Variants in SYNE1 observed in about 807,000 individuals in gnomAD.
The protein encoded by SYNE1 is nesprin-1.
A neutral mutation model predicts 1,111.0 loss-of-function variants in SYNE1; 616 were observed. That is an observed-to-expected ratio of 0.55 (90% CI 0.52 to 0.59). The LOEUF (loss-of-function observed/expected upper bound fraction) is 0.59. Among genes scored for constraint, SYNE1 ranks in the 20% least tolerant of loss-of-function variants. The pLI, the probability that SYNE1 is intolerant of heterozygous loss-of-function variation, is 0.00. For synonymous variants in SYNE1, 3,855 were observed against 3,825.8 expected (o/e 1.01, Z -0.28); for missense variants, 10,006 against 10,417.0 (o/e 0.96, Z 1.72).
chr6:152,477,710 C>T (rs893440096), intron 14 of SYNE1, among the ~76,000 whole-genome samples: 7 of 152,174 alleles, frequency 4.6e-5, no homozygotes, highest in Non-Finnish European at 7.3e-5. Context: ...AGATGTATCA[C>T]AAATGCCTAA....
rs753654674 is a variant in SYNE1 at position 152,234,780 on chromosome 6, T to G, written c.20417A>C (p.Asp6806Ala). The G allele has an allele frequency of 3.7e-5, 59 of 1,614,066 alleles. No individual in the cohort carries two copies. Among genetic ancestry groups the G allele is most frequent in the Non-Finnish European group, 5.0e-5 (59 of 1,180,030 alleles). Residue 6806 changes from aspartate to alanine, a missense_variant, in exon 111 of 146, where the codon GAT becomes GCT. Physicochemically the swap from Asp to Ala is moderately radical, Grantham distance 126. Transcript: ENST00000367255. ...HWTRYQSESA[D>A]LIHWLQSAKD... Reference sequence around the variant, plus strand: ...TGCAGATTGTAACCAGTGAATTAGATCTGCAGATTCACTTTGATATCTGTT... The same window carrying G: ...TGCAGATTGTAACCAGTGAATTAGAGCTGCAGATTCACTTTGATATCTGTT...
intron 3 of SYNE1, among the ~76,000 whole-genome samples, chr6:152,605,029 AGAGAGAGGGAGGGAGGGAGG>A (rs1426677307): frequency 7.5e-5 from 4 of 52,982 alleles, no homozygotes; most frequent in African/African-American, 4.2e-4. Flanking sequence ...AGAGAGAGAG[AGAGAGAGGGAGGGAGGGAGG>A]GAGGGAGGGA....
chr6:152,364,474 T>G (rs572984490), intron 63 of SYNE1, among the ~76,000 whole-genome samples: 3 of 152,154 alleles, frequency 2.0e-5, no homozygotes, highest in East Asian at 1.9e-4. Context: ...TGTATTTTTA[T>G]GTTAGCAACA....
At chr6:152,162,020 C>A (rs572296866) in intron 131 of SYNE1, among the ~76,000 whole-genome samples, 3 of 152,332 alleles carry the variant, frequency 2.0e-5, no homozygotes, top group African/African-American at 7.2e-5. Flanking sequence ...TCCCCAAACC[C>A]AGAGTCCCTC....
At chr6:152,258,297 T>G (rs2091318862) in intron 101 of SYNE1, among the ~76,000 whole-genome samples, 1 of 152,190 alleles carries the variant, frequency 6.6e-6, no homozygotes, top group Non-Finnish European at 1.5e-5. Flanking sequence ...TAAAAAGATA[T>G]GCTGAAAGGA....
In SYNE1 at chr6:152,483,211, A is replaced by G. The variant is rs1342395797; in HGVS notation, c.1224T>C (p.Pro408=). The G allele has an allele frequency of 1.9e-6, 3 of 1,614,228 alleles. No individual in the cohort carries two copies. Among genetic ancestry groups the G allele is most frequent in the Non-Finnish European group, 2.5e-6 (3 of 1,180,026 alleles). Residue 408 remains proline (P), a synonymous_variant, in exon 14 of 146, where the codon CCT becomes CCC. Transcript: ENST00000367255. ...DWHIQLDKSL[P]APLGTIGAWL... Reference sequence around the variant, plus strand: ...AGGCACCTATGGTGCCCAGAGGTGCAGGAAGAGATTTATCAAGCTGTATAT... The same window carrying G: ...AGGCACCTATGGTGCCCAGAGGTGCGGGAAGAGATTTATCAAGCTGTATAT...
chr6:152,428,667 TA>T (rs1333288733), intron 36 of SYNE1, among the ~76,000 whole-genome samples: 2 of 152,152 alleles, frequency 1.3e-5, no homozygotes, highest in African/African-American at 4.8e-5. Flanking sequence ...ACAAATATTT[TA>T]GGTGATGAAG....
intron 96 of SYNE1, among the ~76,000 whole-genome samples, chr6:152,282,815 T>C (rs2094115003): frequency 6.6e-6 from 1 of 152,160 alleles, no homozygotes; most frequent in Admixed American, 6.6e-5. Flanking sequence ...GTAATTGTGA[T>C]TTTTGCCGTT....
At chr6:152,452,749 A>T (rs1304248573) in intron 25 of SYNE1, among the ~76,000 whole-genome samples, 1 of 152,186 alleles carries the variant, frequency 6.6e-6, no homozygotes, top group East Asian at 1.9e-4. Flanking sequence ...CCAGAATCTG[A>T]CATGCAGTCT....
At chr6:152,198,477 C>A (rs1185527280) in intron 127 of SYNE1, among the ~76,000 whole-genome samples, 1 of 152,200 alleles carries the variant, frequency 6.6e-6, no homozygotes, top group Non-Finnish European at 1.5e-5. Flanking sequence ...CAGAACTTTT[C>A]CTTTGCATTC....
chr6:152,346,287 C>T (rs1563232230), intron 73 of SYNE1, among the ~76,000 whole-genome samples: 1 of 152,044 alleles, frequency 6.6e-6, no homozygotes, highest in Non-Finnish European at 1.5e-5. Flanking sequence ...CTGCCTCAGC[C>T]TCCGGAGTAG....
chr6:152,564,820 C>A (rs561086436), intron 3 of SYNE1, among the ~76,000 whole-genome samples: 3 of 152,018 alleles, frequency 2.0e-5, no homozygotes, highest in African/African-American at 4.8e-5. Flanking sequence ...TCATTTACTG[C>A]GAGAATTTCA....
At chr6:152,167,891 C>T in intron 130 of SYNE1, 1 of 742,124 alleles carries the variant, frequency 1.3e-6, no homozygotes, top group Admixed American at 1.7e-5. Context: ...TAATAAAGTC[C>T]ATTAACCTTT....
Position 152,309,980 on chromosome 6 carries a change from A to C in SYNE1, c.17057T>G (p.Val5686Gly). 1 of 1,614,128 alleles carries C rather than the reference A, an allele frequency of 6.2e-7. No homozygotes were observed. The highest frequency in any genetic ancestry group is 8.5e-7 in the Non-Finnish European group (1 of 1,180,042). ...ACTCTGGCAGAGCTGCACTGCTTGC[A>C]CCTTCGGCTTCAGTGACTCCATCTC... The part of the protein sequence containing the change: ...LSEMESLKPK[V>G]QAVQLCQSAL... Residue 5686 changes from valine to glycine, a missense_variant, in exon 90 of 146, where the codon GTG becomes GGG. Around this residue, in one of 7 missense-constraint regions of SYNE1, gnomAD observed 4,955 missense variants for 5,017.2 expected, o/e 0.99. Transcript: ENST00000367255.
At chr6:152,321,524 T>C in intron 83 of SYNE1, 134 bp from the exon 84 acceptor site, 1 of 1,297,906 alleles carries the variant, frequency 7.7e-7, no homozygotes, top group Admixed American at 2.5e-5. Context: ...ATTGTTCTTT[T>C]GTCTCTGAAT....
chr6:152,483,841 G>T (rs1437954835), intron 13 of SYNE1, among the ~76,000 whole-genome samples: 1 of 151,772 alleles, frequency 6.6e-6, no homozygotes, highest in East Asian at 1.9e-4. Flanking sequence ...AGCCAGGTGG[G>T]ATGAGTTGAG....
chr6:152,180,389 T>G, intron 128 of SYNE1, 95 bp from the exon 129 acceptor site: 2 of 1,194,564 alleles, frequency 1.7e-6, no homozygotes, highest in African/African-American at 3.0e-5. Context: ...CTAAAATGAA[T>G]GATAGTCATA....
chr6:152,449,959 C>T (rs1371622824), intron 27 of SYNE1, among the ~76,000 whole-genome samples: 1 of 152,194 alleles, frequency 6.6e-6, no homozygotes, highest in Admixed American at 6.5e-5. Flanking sequence ...CAGGGTGAGA[C>T]ACGAACCTAT....
rs1183839137 is a variant in SYNE1 at position 152,352,206 on chromosome 6, T to A, written c.11401A>T (p.Thr3801Ser). 6.2e-7 allele frequency: 1 copy of A among 1,614,172 alleles called. No individual in the cohort carries two copies. The highest frequency in any genetic ancestry group is 8.5e-7 in the Non-Finnish European group (1 of 1,180,040). The change falls in exon 70 of 146, where the codon ACC (threonine) becomes TCC (serine). Residue 3801 changes from threonine to serine, a missense_variant. By Grantham distance (58) the Thr-to-Ser change is moderately conservative. Coordinates refer to ENST00000367255, the MANE Select transcript of SYNE1 (RefSeq NM_182961.4). ...ATGTGTTCTTTCCGGACAGTGCTGG[T>A]CAGTTCCTTCAACTGCTCCATGTGA... Reference protein sequence around the residue: ...HDHMEQLKELTSTVRKEHMTL... With the variant: ...HDHMEQLKELSSTVRKEHMTL...
Sources: allele counts gnomAD v4.1 joint callset (sites outside exome capture counted in the v4.1 genomes callset), GRCh38; gene constraint gnomAD v4.1.1; regional missense constraint gnomAD v4.1.1; transcripts MANE v1.5; gene names NCBI Gene and HGNC (gene_info 2026-07-23, HGNC 2026-07-21).